The following ETS2 variants were observed in gnomAD, a reference collection of about 807,000 sequenced individuals.
ETS2 encodes protein C-ets-2.
ETS2 carries 19 observed loss-of-function variants against 54.9 expected under a neutral mutation model. The ratio of observed to expected loss-of-function variants is 0.35; its 90% CI spans 0.24 to 0.51. The LOEUF (loss-of-function observed/expected upper bound fraction) is 0.51. Among genes scored for constraint, ETS2 ranks in the 20% least tolerant of loss-of-function variants. The probability of loss-of-function intolerance (pLI) is 0.97; values close to 1 mark genes in which losing one functional copy is unlikely to be tolerated. For missense variants in ETS2, 417 were observed against 593.0 expected (o/e 0.70, Z 3.08); for synonymous variants, 219 against 229.3 (o/e 0.95, Z 0.41).
At chr21:38,822,516 C>T (rs1311380323) in intron 9 of ETS2, among the ~76,000 whole-genome samples, 158 bp from the exon 10 acceptor site, 1 of 152,182 alleles carries the variant, frequency 6.6e-6, no homozygotes, top group Non-Finnish European at 1.5e-5. Context: ...CTCAAAGGTA[C>T]TCAGAGGTAC....
At chr21:38,820,550 C>T (rs1046270456) in intron 8 of ETS2, among the ~76,000 whole-genome samples, 2 of 152,082 alleles carry the variant, frequency 1.3e-5, no homozygotes, top group African/African-American at 2.4e-5. Flanking sequence ...ACAGCCATAA[C>T]GTTAGTGTGG....
rs1411415689 is a variant in ETS2 at position 38,819,625 on chromosome 21, G to A, written c.934G>A (p.Glu312Lys). 4.3e-6 allele frequency: 7 copies of A among 1,614,176 alleles called. No homozygotes were observed. Among genetic ancestry groups the A allele is most frequent in the African/African-American group, 1.3e-5 (1 of 75,036 alleles). The change falls in exon 8 of 10, where the codon GAG becomes AAG. Residue 312 changes from glutamate to lysine, a missense_variant. By Grantham distance (56) the Glu-to-Lys change is moderately conservative. Around this residue, in one of 3 missense-constraint regions of ETS2, gnomAD observed 326 missense variants for 426.1 expected, o/e 0.76. Coordinates refer to ENST00000360938, the MANE Select transcript of ETS2 (RefSeq NM_005239.6). ...GGATGTGCAACGGGTTCCTTCCTTC[G>A]AGAGCTTCGAAGATGACTGCAGCCA... Reference protein sequence around the residue: ...LLDVQRVPSFESFEDDCSQSL... With the variant: ...LLDVQRVPSFKSFEDDCSQSL...
At position 38,822,812 on chromosome 21, in the gene ETS2, G is replaced by A. The variant is rs1310195239; in HGVS notation, c.1333G>A (p.Asp445Asn). 3.1e-6 allele frequency: 5 copies of A among 1,613,488 alleles called. No individual in the cohort carries two copies. Among genetic ancestry groups the A allele is most frequent in the East Asian group, 2.2e-5 (1 of 44,866 alleles). Residue 445 changes from aspartate to asparagine, a missense_variant, in exon 10 of 10, where the codon GAC (aspartate) becomes AAC (asparagine). Physicochemically the swap from Asp to Asn is conservative, Grantham distance 23. Coordinates refer to ENST00000360938, the MANE Select transcript of ETS2 (RefSeq NM_005239.6). The stretch of plus-strand genomic sequence containing the variant: ...GCGCTACGTGTACCGCTTCGTGTGC[G>A]ACCTCCAGAACTTGCTGGGGTTCAC... ...GKRYVYRFVC[D>N]LQNLLGFTPE...
At position 38,823,386 on chromosome 21, in the gene ETS2, C is replaced by CAGTT. The variant is rs1986308228; in HGVS notation, c.*498_*501dup. The CAGTT allele has an allele frequency of 1.3e-5, 2 of 152,656 alleles. No individual in the cohort carries two copies. Among genetic ancestry groups the CAGTT allele is most frequent in the Non-Finnish European group, 2.9e-5 (2 of 68,074 alleles). 9.5% of individuals were successfully genotyped at this position (152,656 alleles called of 1,614,324 possible). ...TATAATTGTTCTCAGAATCCCTTAA[C>CAGTT]AGTTGTATTTAACAGAAATTGTATA... On this transcript the variant is annotated 3_prime_UTR_variant, in exon 10 of 10. Coordinates refer to ENST00000360938, the MANE Select transcript of ETS2 (RefSeq NM_005239.6).
upstream of ETS2, chr21:38,805,476 A>T: frequency 7.8e-7 from 1 of 1,288,110 alleles, no homozygotes; most frequent in Non-Finnish European, 1.0e-6. The surrounding 1 kb of genome is among the most constrained non-coding windows in gnomAD (Gnocchi z 5.2). Flanking sequence ...CCCAGAGAGG[A>T]CGCCGAGCGC....
rs768875008 is a variant in ETS2 at position 38,822,754 on chromosome 21, C to T, written c.1275C>T (p.Tyr425=). ...TGAGCCGGGGCTTACGCTACTATTA[C>T]GACAAGAACATCATCCACAAGACGT... ...EKLSRGLRYY[Y]DKNIIHKTSG... is the part of the protein sequence containing the mutation. The change falls in exon 10 of 10, where the codon TAC becomes TAT. Residue 425 remains tyrosine (Y), a synonymous_variant. Coordinates refer to ENST00000360938, the MANE Select transcript of ETS2 (RefSeq NM_005239.6). 9 of 1,614,040 alleles carry T rather than the reference C, an allele frequency of 5.6e-6. No homozygotes were observed. The East Asian group carries it at 8.9e-5, about 16-fold the overall frequency.
chr21:38,812,978 A>T, intron 2 of ETS2, 25 bp from the exon 3 acceptor site: 3 of 1,512,792 alleles, frequency 2.0e-6, no homozygotes, highest in South Asian at 1.1e-5. Flanking sequence ...TTGTATTTCC[A>T]TTTTTTTTCC....
Position 38,819,672 on chromosome 21 carries a change from A to G in ETS2, c.981A>G (p.Pro327=). ...DCSQSLCLNK[P]TMSFKDYIQE... The stretch of plus-strand genomic sequence containing the variant: ...GCCAGTCTCTCTGCCTCAATAAGCC[A>G]ACCATGTCTTTCAAGGATTACATCC... The change falls in exon 8 of 10, where the codon CCA becomes CCG. Residue 327 remains proline (P), a synonymous_variant. Coordinates refer to ENST00000360938, the MANE Select transcript of ETS2 (RefSeq NM_005239.6). 1 of 1,614,190 alleles carries G rather than the reference A, an allele frequency of 6.2e-7. No homozygotes were observed. The highest frequency in any genetic ancestry group is 8.5e-7 in the Non-Finnish European group (1 of 1,180,022).
At position 38,813,109 on chromosome 21, in the gene ETS2, C is replaced by G. The variant is rs1430466105; in HGVS notation, c.179C>G (p.Ser60Cys). 2 of 1,602,806 alleles carry G rather than the reference C, an allele frequency of 1.2e-6. No homozygotes were observed. The highest frequency in any genetic ancestry group is 2.7e-5 in the African/African-American group (2 of 74,732). ...GTGCCAACAGGCTTGGATTCCATTT[C>G]TCATGGTAATTGGTTCCTCAGACTT... ...QEVPTGLDSI[S>C]HDSANCELPL... Residue 60 changes from serine (S) to cysteine (C), a missense_variant, in exon 3 of 10, where the codon TCT becomes TGT. Transcript: ENST00000360938.
Position 38,821,744 on chromosome 21 carries a change from C to T in ETS2, c.1194+40C>T. 1 of 1,420,140 alleles carries T rather than the reference C, an allele frequency of 7.0e-7. No homozygotes were observed. The highest frequency in any genetic ancestry group is 1.2e-5 in the South Asian group (1 of 86,858). 88.0% of individuals were successfully genotyped at this position (1,420,140 alleles called of 1,614,324 possible). On this transcript the variant is annotated intron_variant, in intron 9 of 9. Transcript: ENST00000360938. This position sits in a 1 kb window ranked among gnomAD's most constrained non-coding sequence, Gnocchi z 4.2. ...CTGGGAAATCTCTGGGCTTGAAAAC[C>T]TGATTTCCTGCTTGCATTCAAAAAC...
rs888645605 is a variant in ETS2 at position 38,806,711 on chromosome 21, C to A, written c.-1+591C>A. ...TCCAGGGCCCGGGCTGGGGACCCCTCGGTCGTGCGAGGAGAGCGTGGGGAA... is the reference window on the plus strand; with the variant it reads ...TCCAGGGCCCGGGCTGGGGACCCCTAGGTCGTGCGAGGAGAGCGTGGGGAA... On this transcript the variant is annotated intron_variant, in intron 1 of 9. Transcript: ENST00000360938. The surrounding 1 kb of genome is among the most constrained non-coding windows in gnomAD (Gnocchi z 4.3). 2 of 985,312 alleles carry A rather than the reference C, an allele frequency of 2.0e-6. No individual in the cohort carries two copies. The highest frequency in any genetic ancestry group is 2.4e-6 in the Non-Finnish European group (2 of 829,976). 61.0% of individuals were successfully genotyped at this position (985,312 alleles called of 1,614,324 possible).
rs1019881676 is a variant in ETS2 at position 38,809,836 on chromosome 21, T to C, written c.1-199T>C. ...TTATTATTCAATCACTGAAACAGCA[T>C]ATCCCATTGTGATACTGAGAAATGC... is the stretch of plus-strand genomic sequence containing the variant. On this transcript the variant is annotated intron_variant, in intron 1 of 9. Coordinates refer to ENST00000360938, the MANE Select transcript of ETS2 (RefSeq NM_005239.6). 6 of 495,940 alleles carry C rather than the reference T, an allele frequency of 1.2e-5. No homozygotes were observed. In the African/African-American group the frequency reaches 1.2e-4, roughly 10 times the overall value. The allele number at this position is 495,940 out of a possible 1,614,324, so 30.7% of individuals were successfully genotyped here. A position where few individuals can be genotyped will look rare whatever the true frequency, so the allele number is the denominator to read the frequency against.
rs2060912830 is a variant in ETS2, at chr21:38,811,294, G to T, written c.72+1188G>T. Among the ~76,000 whole-genome samples the T allele has an allele frequency of 3.3e-5, 5 of 152,290 alleles. 1 individual carries two copies. In the South Asian group the frequency reaches 8.3e-4, roughly 25 times the overall value. On this transcript the variant is annotated intron_variant, in intron 2 of 9. Transcript: ENST00000360938. ...TGGAGGTTTCACCAAAATTAGCTCT[G>T]CTCTAAAGTAGTTTGTAAATCCAGA...
intron 5 of ETS2, 89 bp downstream of exon 5, chr21:38,815,070 C>T: frequency 7.7e-7 from 1 of 1,297,402 alleles, no homozygotes; most frequent in African/African-American, 1.5e-5. Flanking sequence ...GTTCTTCAAC[C>T]TTAGGGTTGC....
chr21:38,806,064 G>C lies in ETS2; in HGVS notation c.-57G>C. 5.1e-6 allele frequency: 6 copies of C among 1,171,102 alleles called. No individual in the cohort carries two copies. The highest frequency in any genetic ancestry group is 6.4e-6 in the Non-Finnish European group (6 of 937,200). The allele number at this position is 1,171,102 out of a possible 1,614,324, so 72.5% of individuals were successfully genotyped here. ...CTCGCCCGGCGCGCACCGAGCAGCC[G>C]CGGGCGCCGAGCAGCCACCGTCCCG... On this transcript the variant is annotated 5_prime_UTR_variant, in exon 1 of 10. Coordinates refer to ENST00000360938, the MANE Select transcript of ETS2 (RefSeq NM_005239.6). The surrounding 1 kb of genome is among the most constrained non-coding windows in gnomAD (Gnocchi z 4.3).
At chr21:38,808,501 A>T (rs1040205453) in intron 1 of ETS2, among the ~76,000 whole-genome samples, 1 of 151,780 alleles carries the variant, frequency 6.6e-6, no homozygotes, top group African/African-American at 2.4e-5. Context: ...GGCTACCATG[A>T]TCATTACCTG....
At chr21:38,808,002 A>C (rs1336178020) in intron 1 of ETS2, among the ~76,000 whole-genome samples, 1 of 152,170 alleles carries the variant, frequency 6.6e-6, no homozygotes, top group Non-Finnish European at 1.5e-5. Context: ...CATTGGAAGG[A>C]GTAGTGAGAA....
chr21:38,819,888 C>T (rs2060951113), intron 8 of ETS2, 122 bp downstream of exon 8: 3 of 939,442 alleles, frequency 3.2e-6, no homozygotes, highest in Non-Finnish European at 4.7e-6. Flanking sequence ...CAGTGCTCTA[C>T]ACTCCATGTT....
chr21:38,805,764 T>A (rs1397638905), upstream of ETS2: 2 of 687,410 alleles, frequency 2.9e-6, no homozygotes, highest in Non-Finnish European at 4.0e-6. This position sits in a 1 kb window ranked among gnomAD's most constrained non-coding sequence, Gnocchi z 5.2. Flanking sequence ...CTCCCCATCC[T>A]GCCTACCTCC....
Sources: gnomAD v4.1 joint callset for allele counts (sites outside exome capture counted in the v4.1 genomes callset) on GRCh38, gnomAD v4.1.1 for gene constraint, gnomAD v4.1.1 regional missense constraint, Gnocchi (gnomAD v3.1) non-coding constraint, MANE v1.5 for transcripts, NCBI Gene and HGNC (gene_info 2026-07-23, HGNC 2026-07-21) for gene names.